TANC1: variants seen among roughly 807,000 people sequenced by gnomAD.
TANC1 encodes protein TANC1.
A neutral mutation model predicts 149.7 loss-of-function variants in TANC1; 77 were observed. The ratio of observed to expected loss-of-function variants is 0.51; its 90% CI spans 0.43 to 0.62. The LOEUF (loss-of-function observed/expected upper bound fraction) is 0.62, where lower values mean the gene tolerates loss of function less well. TANC1 is among the 20% of genes least tolerant of loss of function. The probability of loss-of-function intolerance (pLI) is 0.00; values close to 1 mark genes in which losing one functional copy is unlikely to be tolerated. For missense variants in TANC1, 1,985 were observed against 2,321.8 expected (o/e 0.85, Z 2.98); for synonymous variants, 854 against 925.0 (o/e 0.92, Z 1.39).
intron 2 of TANC1, among the ~76,000 whole-genome samples, chr2:159,025,526 C>T (rs192702748): frequency 1.6e-4 from 24 of 152,058 alleles, no homozygotes; most frequent in Non-Finnish European, 2.1e-4. Context: ...AGTAAAGATC[C>T]CCGATGACAT....
intron 3 of TANC1, among the ~76,000 whole-genome samples, chr2:159,069,765 C>CTTTTTTTT: frequency 9.1e-6 from 1 of 109,366 alleles, no homozygotes. Context: ...TATGTGCAAG[C>CTTTTTTTT]TTTTTTTTTT....
chr2:159,089,102 G>C (rs1338023879), intron 3 of TANC1, among the ~76,000 whole-genome samples: 4 of 152,166 alleles, frequency 2.6e-5, no homozygotes, highest in African/African-American at 7.2e-5. Context: ...CCGACTCCAG[G>C]GTCAGGGGTT....
chr2:158,976,519 A>G (rs890754976), intron 1 of TANC1, among the ~76,000 whole-genome samples: 1 of 152,240 alleles, frequency 6.6e-6, no homozygotes, highest in Non-Finnish European at 1.5e-5. Context: ...AGTATAAAGG[A>G]ACAAGAAAAT....
intron 11 of TANC1, among the ~76,000 whole-genome samples, chr2:159,174,020 T>C (rs1283268220): frequency 1.3e-5 from 2 of 152,198 alleles, no homozygotes; most frequent in African/African-American, 4.8e-5. Flanking sequence ...TCCTACTTCC[T>C]GCAGGCGCTT....
intron 3 of TANC1, among the ~76,000 whole-genome samples, chr2:159,082,711 G>T (rs1204976027): frequency 6.6e-6 from 1 of 152,174 alleles, no homozygotes; most frequent in Non-Finnish European, 1.5e-5. Flanking sequence ...AAGGGGGCAG[G>T]GATATGAGGC....
At chr2:158,987,928 G>T (rs988338428) in intron 1 of TANC1, among the ~76,000 whole-genome samples, 1 of 152,194 alleles carries the variant, frequency 6.6e-6, no homozygotes, top group Non-Finnish European at 1.5e-5. Context: ...GCTAGAGAGT[G>T]TATTTAGGGT....
chr2:159,158,364 C>CA (rs200833917), intron 7 of TANC1, among the ~76,000 whole-genome samples: 2,928 of 150,132 alleles, frequency 0.02, 46 homozygotes, highest in Non-Finnish European at 0.026. Context: ...TGTCTCGAAA[C>CA]AAAAAAAAAC....
At chr2:159,229,021 G>C in intron 26 of TANC1, 125 bp downstream of exon 26, 2 of 686,258 alleles carry the variant, frequency 2.9e-6, no homozygotes, top group Non-Finnish European at 5.1e-6. Context: ...TTTTAGTAGT[G>C]AATTAGTATT....
intron 3 of TANC1, among the ~76,000 whole-genome samples, chr2:159,074,038 G>C (rs1231197196): frequency 6.6e-6 from 1 of 152,172 alleles, no homozygotes; most frequent in Admixed American, 6.6e-5. Context: ...CCTAGCTCTG[G>C]ATCAGCATCA....
At position 159,077,072 on chromosome 2, in the gene TANC1, C is replaced by T. The variant is rs1274667843; in HGVS notation, c.61+11101C>T. On this transcript the variant is annotated intron_variant, in intron 3 of 26. Transcript: ENST00000263635. The stretch of plus-strand genomic sequence containing the variant: ...CATGGTCTTGATCTAGACTGAATCA[C>T]TGAGTAGACAGGGTCTTGCTTTGTC... Among the ~76,000 whole-genome samples, 3 of 151,286 alleles carry T rather than the reference C, an allele frequency of 2.0e-5. No homozygotes were observed. The East Asian group carries it at 5.8e-4, about 29-fold the overall frequency.
At chr2:159,122,152 G>A (rs1298855713) in intron 4 of TANC1, among the ~76,000 whole-genome samples, 1 of 152,170 alleles carries the variant, frequency 6.6e-6, no homozygotes, top group Admixed American at 6.5e-5. Context: ...TACCCAGGCT[G>A]GTCTGGAACT....
chr2:159,175,121 G>A lies in TANC1; in HGVS notation c.1672G>A (p.Val558Met). The change falls in exon 12 of 27, where the codon GTG becomes ATG. Residue 558 changes from valine to methionine, a missense_variant. Val to Met is a conservative substitution (Grantham distance 21). Around this residue, in one of 3 missense-constraint regions of TANC1, gnomAD observed 508 missense variants for 714.2 expected, o/e 0.71. Transcript: ENST00000263635. ...GAGCATGCTGAGCCTCCGATCCTGT[G>A]TGCAGGACCCGGTGGCAGCTTTCAA... is the stretch of plus-strand genomic sequence containing the variant. ...LQSMLSLRSC[V>M]QDPVAAFKRG... 1 of 1,614,176 alleles carries A rather than the reference G, an allele frequency of 6.2e-7. No individual in the cohort carries two copies. The highest frequency in any genetic ancestry group is 8.5e-7 in the Non-Finnish European group (1 of 1,180,038).
At chr2:159,120,839 G>A (rs1358233304) in intron 4 of TANC1, among the ~76,000 whole-genome samples, 2 of 152,178 alleles carry the variant, frequency 1.3e-5, no homozygotes, top group South Asian at 2.1e-4. Context: ...GAACTTAAGC[G>A]ATCCTCCTGC....
chr2:158,975,693 C>A (rs1011473746), intron 1 of TANC1, among the ~76,000 whole-genome samples: 1 of 151,826 alleles, frequency 6.6e-6, no homozygotes, highest in Admixed American at 6.6e-5. Context: ...ACCTCAGTTT[C>A]CCAAAGTGCT....
intron 10 of TANC1, among the ~76,000 whole-genome samples, chr2:159,171,735 T>A (rs2055234942): frequency 6.6e-6 from 1 of 151,586 alleles, no homozygotes; most frequent in South Asian, 2.1e-4. Flanking sequence ...CGGGTGCCTG[T>A]AATCCCAGCT....
intron 18 of TANC1, 53 bp from the exon 19 acceptor site, chr2:159,198,922 A>G: frequency 7.6e-7 from 1 of 1,316,112 alleles, no homozygotes; most frequent in Non-Finnish European, 1.1e-6. Flanking sequence ...ATGGGCTATA[A>G]TAAGCACCTC....
In TANC1 at chr2:159,152,545, G is replaced by A. The variant is rs552207673; in HGVS notation, c.682+1989G>A. ...TTTGCTCTGTTGCCCAGGCTGGAGT[G>A]CAGTGGTGCAATTGTAGCTCACTGC... On this transcript the variant is annotated intron_variant, in intron 7 of 26. Transcript: ENST00000263635. Among the ~76,000 whole-genome samples, 11 of 148,340 alleles carry A rather than the reference G, an allele frequency of 7.4e-5. No homozygotes were observed. In the East Asian group the frequency reaches 1.6e-3, roughly 21 times the overall value.
At chr2:159,017,748 C>T (rs2038423269) in intron 2 of TANC1, among the ~76,000 whole-genome samples, 1 of 151,584 alleles carries the variant, frequency 6.6e-6, no homozygotes, top group African/African-American at 2.4e-5. Flanking sequence ...AGGACAAATA[C>T]CTAATGCACG....
At chr2:159,179,891 C>A (rs555529657) in intron 14 of TANC1, among the ~76,000 whole-genome samples, 1 of 152,096 alleles carries the variant, frequency 6.6e-6, no homozygotes, top group Non-Finnish European at 1.5e-5. Context: ...ATGGCAAGCC[C>A]CCAACTTCCA....
Sources: gnomAD v4.1 joint callset for allele counts (sites outside exome capture counted in the v4.1 genomes callset) on GRCh38, gnomAD v4.1.1 for gene constraint, gnomAD v4.1.1 regional missense constraint, MANE v1.5 for transcripts, NCBI Gene and HGNC (gene_info 2026-07-23, HGNC 2026-07-21) for gene names.